Variants in MED13 observed in about 807,000 individuals in gnomAD.
MED13 encodes the protein mediator of RNA polymerase II transcription subunit 13.
A neutral mutation model predicts 225.2 loss-of-function variants in MED13; 23 were observed. The observed-to-expected ratio is 0.10, with a 90% CI of 0.07 to 0.14. The LOEUF is 0.14. MED13 is among the 10% of genes least tolerant of loss of function. The pLI, the probability that MED13 is intolerant of heterozygous loss-of-function variation, is 1.00. For synonymous variants in MED13, 942 were observed against 889.2 expected (o/e 1.06, Z -1.06); for missense variants, 2,197 against 2,594.5 (o/e 0.85, Z 3.33).
At chr17:61,986,315 TATAGGAAAG>T (rs2080247507) in intron 12 of MED13, among the ~76,000 whole-genome samples, 1 of 152,134 alleles carries the variant, frequency 6.6e-6, no homozygotes, top group Non-Finnish European at 1.5e-5. Context: ...ATGCATATTA[TATAGGAAAG>T]GAAAGATCAA....
chr17:62,038,309 G>T (rs1385054264), intron 3 of MED13, among the ~76,000 whole-genome samples: 7 of 152,058 alleles, frequency 4.6e-5, no homozygotes, highest in Non-Finnish European at 1.0e-4. Flanking sequence ...GGCTGAGGTA[G>T]AAGGAACATC....
intron 8 of MED13, among the ~76,000 whole-genome samples, chr17:62,022,376 A>C (rs1405839294): frequency 6.6e-6 from 1 of 152,056 alleles, no homozygotes; most frequent in Non-Finnish European, 1.5e-5. Flanking sequence ...AGCAAGCACA[A>C]GCAAAAAACA....
At chr17:61,994,527 A>G (rs2080331119) in intron 10 of MED13, among the ~76,000 whole-genome samples, 2 of 152,180 alleles carry the variant, frequency 1.3e-5, no homozygotes, top group Non-Finnish European at 2.9e-5. Flanking sequence ...CTGGTAATTC[A>G]CTTACAACAT....
rs1269639732 is a variant in MED13, at chr17:62,065,146, G to T, written c.60C>A (p.Phe20Leu). The change falls in exon 1 of 30, where the codon TTC (phenylalanine) becomes TTA (leucine). Residue 20 changes from phenylalanine to leucine, a missense_variant. This residue lies in a region of MED13 where 884 missense variants were observed against 918.5 expected (regional missense o/e 0.96). Coordinates refer to ENST00000397786, the MANE Select transcript of MED13 (RefSeq NM_005121.3). ...ASLEDCHCNLFCLADLTGIKW... is the reference protein window; with the variant it reads ...ASLEDCHCNLLCLADLTGIKW... ...CGCCGGCCCCGGCACTCACCAGGCAGAAGAGGTTACAGTGACAATCTTCCA... is the reference window on the plus strand; with the variant it reads ...CGCCGGCCCCGGCACTCACCAGGCATAAGAGGTTACAGTGACAATCTTCCA... 1 of 1,575,278 alleles carries T rather than the reference G, an allele frequency of 6.3e-7. No homozygotes were observed. Among genetic ancestry groups the T allele is most frequent in the Non-Finnish European group, 8.6e-7 (1 of 1,162,498 alleles).
intron 9 of MED13, among the ~76,000 whole-genome samples, chr17:62,008,696 C>T (rs2080478098): frequency 6.6e-6 from 1 of 151,884 alleles, no homozygotes; most frequent in African/African-American, 2.4e-5. Context: ...CGCCCCCTCC[C>T]CCCGAGGGAG....
intron 11 of MED13, among the ~76,000 whole-genome samples, chr17:61,990,372 A>G (rs2080285350): frequency 6.6e-6 from 1 of 152,030 alleles, no homozygotes; most frequent in Non-Finnish European, 1.5e-5. Flanking sequence ...TGCTCACTGA[A>G]GACTTGACAG....
chr17:61,973,452 A>C (rs929340531), intron 16 of MED13, among the ~76,000 whole-genome samples: 2 of 152,198 alleles, frequency 1.3e-5, no homozygotes, highest in Non-Finnish European at 2.9e-5. Flanking sequence ...ATAAATTATC[A>C]AATTATGACC....
Position 61,982,539 on chromosome 17 carries a change from C to A in MED13, c.3464G>T (p.Cys1155Phe). 1 of 1,614,176 alleles carries A rather than the reference C, an allele frequency of 6.2e-7. No individual in the cohort carries two copies. The highest frequency in any genetic ancestry group is 8.5e-7 in the Non-Finnish European group (1 of 1,180,026). The change falls in exon 16 of 30, where the codon TGT (cysteine) becomes TTT (phenylalanine). Residue 1155 changes from cysteine to phenylalanine, a missense_variant. Cys to Phe is a radical substitution (Grantham distance 205). Transcript: ENST00000397786. The part of the protein sequence containing the change: ...ELDIIGRNTD[C>F]GKEAEKRFEA... The stretch of plus-strand genomic sequence containing the variant: ...AAAACGTTTTTCTGCTTCTTTGCCA[C>A]AGTCTGTATTGCGTCCTATGATATC...
Position 62,033,777 on chromosome 17 carries a change from G to A in MED13, c.814+10C>T. On this transcript the variant is annotated intron_variant, in intron 5 of 29. Coordinates refer to ENST00000397786, the MANE Select transcript of MED13 (RefSeq NM_005121.3). ...ATTTTCCCCTTAGGAATAATACTCA[G>A]GATCCATACCAACAAGAACTTCTAC... The A allele has an allele frequency of 6.2e-7, 1 of 1,612,648 alleles. No homozygotes were observed. The highest frequency in any genetic ancestry group is 8.5e-7 in the Non-Finnish European group (1 of 1,178,980).
At chr17:62,011,364 G>C (rs911712817) in intron 8 of MED13, 131 bp from the exon 9 acceptor site, 2 of 808,974 alleles carry the variant, frequency 2.5e-6, no homozygotes, top group African/African-American at 1.8e-5. Context: ...AAAATAATTT[G>C]AATTTGAAAG....
Position 61,984,376 on chromosome 17 carries a change from T to C in MED13, c.2692-9A>G, listed in dbSNP as rs772002336. On this transcript the variant is annotated splice_polypyrimidine_tract_variant and intron_variant, in intron 14 of 29. Transcript: ENST00000397786. ...TAGACATAAGAAAAATCCTACAATA[T>C]AAAGATGGTAGGTTTTCAGTATCTT... The C allele has an allele frequency of 6.5e-7, 1 of 1,535,278 alleles. No homozygotes were observed. The highest frequency in any genetic ancestry group is 8.7e-7 in the Non-Finnish European group (1 of 1,145,586).
At chr17:62,041,042 A>G (rs2080848044) in intron 3 of MED13, among the ~76,000 whole-genome samples, 1 of 152,224 alleles carries the variant, frequency 6.6e-6, no homozygotes, top group African/African-American at 2.4e-5. Context: ...TAGACACCCA[A>G]AGGAACTTAA....
At chr17:62,047,558 A>T (rs752548542) in intron 3 of MED13, among the ~76,000 whole-genome samples, 76 of 151,966 alleles carry the variant, frequency 5.0e-4, no homozygotes, top group Non-Finnish European at 9.3e-4. Flanking sequence ...CTGTTAGGGG[A>T]TAGGGAGCAT....
At chr17:62,062,615 CA>C (rs2081049741) in intron 2 of MED13, among the ~76,000 whole-genome samples, 1 of 151,620 alleles carries the variant, frequency 6.6e-6, no homozygotes, top group African/African-American at 2.4e-5. Context: ...CACACACACA[CA>C]CACACACACA....
chr17:62,064,307 T>C (rs149681002), intron 1 of MED13, among the ~76,000 whole-genome samples: 10 of 152,346 alleles, frequency 6.6e-5, no homozygotes, highest in Non-Finnish European at 8.8e-5. Context: ...GCCTTAACTG[T>C]TGGATGTTAC....
intron 3 of MED13, among the ~76,000 whole-genome samples, chr17:62,043,893 T>C (rs372281179): frequency 6.6e-6 from 1 of 152,208 alleles, no homozygotes; most frequent in African/African-American, 2.4e-5. Flanking sequence ...ATGTGCCTAG[T>C]AGAAAATTTT....
At chr17:61,984,542 T>G in intron 14 of MED13, 109 bp downstream of exon 14, 1 of 1,033,160 alleles carries the variant, frequency 9.7e-7, no homozygotes, top group Non-Finnish European at 1.4e-6. Flanking sequence ...AGTCCTCAAC[T>G]TAGCTACAAA....
intron 3 of MED13, among the ~76,000 whole-genome samples, chr17:62,052,093 TAATTA>T (rs560365742): frequency 5.5e-4 from 84 of 152,296 alleles, no homozygotes; most frequent in African/African-American, 2.0e-3. Context: ...TAAATTACTT[TAATTA>T]AAGGGAATTG....
At chr17:61,993,088 A>T (rs560663611) in intron 10 of MED13, among the ~76,000 whole-genome samples, 2 of 151,940 alleles carry the variant, frequency 1.3e-5, no homozygotes, top group Non-Finnish European at 2.9e-5. Context: ...TCTTATAGAC[A>T]AAAGTAGAGA....
Sources: allele counts gnomAD v4.1 joint callset (sites outside exome capture counted in the v4.1 genomes callset), GRCh38; gene constraint gnomAD v4.1.1; regional missense constraint gnomAD v4.1.1; transcripts MANE v1.5; gene names NCBI Gene and HGNC (gene_info 2026-07-23, HGNC 2026-07-21).